Variants in VPS13B observed in about 807,000 individuals in gnomAD.
VPS13B encodes vacuolar protein sorting 13 homolog B, also known as intermembrane lipid transfer protein VPS13B.
A neutral mutation model predicts 426.4 loss-of-function variants in VPS13B; 285 were observed. That is an observed-to-expected ratio of 0.67 (90% CI 0.61 to 0.74). The LOEUF (loss-of-function observed/expected upper bound fraction) is 0.74. Among genes scored for constraint, VPS13B ranks in the 30% least tolerant of loss-of-function variants. The pLI, the probability that VPS13B is intolerant of heterozygous loss-of-function variation, is 0.00. For synonymous variants in VPS13B, 1,676 were observed against 1,676.4 expected (o/e 1.00, Z 0.01); for missense variants, 4,537 against 4,782.6 (o/e 0.95, Z 1.51).
At chr8:99,528,447 A>G (rs542625152) in intron 30 of VPS13B, among the ~76,000 whole-genome samples, 59 of 152,264 alleles carry the variant, frequency 3.9e-4, no homozygotes, top group Non-Finnish European at 5.9e-4. Flanking sequence ...TGACTAGAAC[A>G]TATGGTACTG....
chr8:99,420,053 A>G (rs1328724545), intron 21 of VPS13B, among the ~76,000 whole-genome samples: 1 of 152,198 alleles, frequency 6.6e-6, no homozygotes, highest in Non-Finnish European at 1.5e-5. Context: ...TTATTGATTT[A>G]AGTACTAAAC....
chr8:99,707,563 G>T (rs1204147760), intron 36 of VPS13B, among the ~76,000 whole-genome samples: 1 of 152,132 alleles, frequency 6.6e-6, no homozygotes, highest in East Asian at 1.9e-4. Flanking sequence ...TTTAGTATTA[G>T]ATAACTAACT....
At chr8:99,875,384 C>CA (rs763502797) in intron 61 of VPS13B, 34 bp from the exon 62 acceptor site, 1 of 1,613,976 alleles carries the variant, frequency 6.2e-7, no homozygotes, top group Non-Finnish European at 8.5e-7. Flanking sequence ...TCGTAAGGGT[C>CA]TGGCAACTAA....
rs117711734 is a variant in VPS13B at position 99,112,934 on chromosome 8, C to T, written c.762+1655C>T. On this transcript the variant is annotated intron_variant, in intron 6 of 61. Transcript: ENST00000357162. ...ATAAATAAACTTGTATAATAGTTGC[C>T]AAATATGTGATATCAATGTGTTATA... Among the ~76,000 whole-genome samples, 374 of 152,162 alleles carry T rather than the reference C, an allele frequency of 2.5e-3. 1 individual carries two copies. Among genetic ancestry groups the T allele is most frequent in the Non-Finnish European group, 3.8e-3 (256 of 68,004 alleles).
At chr8:99,536,726 T>C (rs774124620) in intron 30 of VPS13B, 1 of 534,202 alleles carries the variant, frequency 1.9e-6, no homozygotes, top group Non-Finnish European at 3.8e-6. Context: ...GGACAGCATG[T>C]CTTTGGCATT....
At chr8:99,499,899 C>T (rs1821135357) in intron 25 of VPS13B, among the ~76,000 whole-genome samples, 1 of 152,148 alleles carries the variant, frequency 6.6e-6, no homozygotes, top group Non-Finnish European at 1.5e-5. Context: ...CTATGAAAAT[C>T]TTCCCCATTG....
In VPS13B at chr8:99,481,680, C is replaced by T. The variant is rs1406148479; in HGVS notation, c.3748C>T (p.Pro1250Ser). 1.2e-6 allele frequency: 2 copies of T among 1,614,034 alleles called. No individual in the cohort carries two copies. Among genetic ancestry groups the T allele is most frequent in the South Asian group, 2.2e-5 (2 of 91,086 alleles). ...GAAGAGAGGCAATCTCAACCTATCT[C>T]CAACCTCTCCAGAGACCATGGCAGG... The part of the protein sequence containing the change: ...IQKRGNLNLS[P>S]TSPETMAGPV... The change falls in exon 25 of 62, where the codon CCA becomes TCA. Residue 1250 changes from proline (P) to serine (S), a missense_variant. Pro to Ser is a moderately conservative substitution (Grantham distance 74, BLOSUM62 -1). This residue lies in a region of VPS13B where 4,311 missense variants were observed against 4,474.3 expected (regional missense o/e 0.96). Transcript: ENST00000357162.
At chr8:99,154,299 C>T (rs1811235943) in intron 14 of VPS13B, among the ~76,000 whole-genome samples, 1 of 151,722 alleles carries the variant, frequency 6.6e-6, no homozygotes, top group Non-Finnish European at 1.5e-5. Context: ...CTTTTCTTCT[C>T]TTGTGGAATT....
At chr8:99,015,106 C>G (rs909053364) in intron 2 of VPS13B, among the ~76,000 whole-genome samples, 1 of 151,988 alleles carries the variant, frequency 6.6e-6, no homozygotes, top group African/African-American at 2.4e-5. Flanking sequence ...AAATAATACT[C>G]CTGGCTGCTT....
chr8:99,393,842 G>A (rs889633630), intron 21 of VPS13B, among the ~76,000 whole-genome samples: 1 of 151,982 alleles, frequency 6.6e-6, no homozygotes, highest in Non-Finnish European at 1.5e-5. Context: ...CTAGAATTAT[G>A]TTTTAACACT....
At chr8:99,305,283 A>G (rs116471432) in intron 19 of VPS13B, among the ~76,000 whole-genome samples, 1,633 of 152,248 alleles carry the variant, frequency 0.011, 17 homozygotes, top group South Asian at 0.028. Flanking sequence ...TGTTCAGGAA[A>G]AAACAACCAA....
intron 19 of VPS13B, among the ~76,000 whole-genome samples, chr8:99,293,611 C>T (rs963031530): frequency 1.5e-5 from 2 of 137,780 alleles, no homozygotes; most frequent in Non-Finnish European, 3.1e-5. Context: ...AGGCAACCTA[C>T]AACATGGGAG....
chr8:99,747,253 G>C lies in VPS13B; in HGVS notation c.7051-19521G>C, dbSNP rs867208258. Among the ~76,000 whole-genome samples the C allele has an allele frequency of 2.6e-5, 4 of 151,450 alleles. No individual in the cohort carries two copies. In the South Asian group the frequency reaches 8.3e-4, roughly 31 times the overall value. ...GGGATGGGATCCAAAGAGAAAAGCA[G>C]GCCAGAAGTTAGAAATAGATATGTT... On this transcript the variant is annotated intron_variant, in intron 39 of 61. Transcript: ENST00000357162.
At chr8:99,096,839 G>A (rs560442162) in intron 4 of VPS13B, among the ~76,000 whole-genome samples, 232 of 151,832 alleles carry the variant, frequency 1.5e-3, no homozygotes, top group African/African-American at 5.2e-3. Context: ...TAAGCTATAT[G>A]TGCATATGTA....
At position 99,766,962 on chromosome 8, in the gene VPS13B, T is replaced by G. The variant is rs751702954; in HGVS notation, c.7239T>G (p.Asp2413Glu). The G allele has an allele frequency of 4.3e-6, 7 of 1,613,810 alleles. 1 individual carries two copies. In the South Asian group the frequency reaches 7.7e-5, roughly 18 times the overall value. ...TGAACAGCAGTCAAAATGGAGCTGATGACCAAAGGTAATTCATTGAAAGAT... is the reference window on the plus strand; with the variant it reads ...TGAACAGCAGTCAAAATGGAGCTGAGGACCAAAGGTAATTCATTGAAAGAT... ...IVLNSSQNGA[D>E]DQSSASESGS... is the part of the protein sequence containing the mutation. Residue 2413 changes from aspartate (D) to glutamate (E), a missense_variant, in exon 40 of 62, where the codon GAT becomes GAG. Physicochemically the swap from Asp to Glu is conservative, Grantham distance 45. This residue lies in a region of VPS13B where 4,311 missense variants were observed against 4,474.3 expected (regional missense o/e 0.96). Transcript: ENST00000357162.
At chr8:99,778,384 T>G (rs1811846900) in intron 41 of VPS13B, among the ~76,000 whole-genome samples, 1 of 152,206 alleles carries the variant, frequency 6.6e-6, no homozygotes, top group Non-Finnish European at 1.5e-5. Flanking sequence ...TAAAATTCTC[T>G]TTAGATAGAT....
At chr8:99,024,819 T>C (rs1340170888) in intron 2 of VPS13B, among the ~76,000 whole-genome samples, 2 of 152,228 alleles carry the variant, frequency 1.3e-5, no homozygotes, top group African/African-American at 4.8e-5. Context: ...TCTTTGCTTG[T>C]TATGTATCTG....
At chr8:99,380,659 AT>A (rs1388934757) in intron 19 of VPS13B, among the ~76,000 whole-genome samples, 1 of 151,882 alleles carries the variant, frequency 6.6e-6, no homozygotes, top group East Asian at 1.9e-4. Context: ...AAAAAGATAA[AT>A]TTCTTTTTCT....
Position 99,661,377 on chromosome 8 carries a change from GC to G in VPS13B, c.5935del (p.Asp1980IlefsTer14). The G allele has an allele frequency of 6.2e-7, 1 of 1,613,676 alleles. No individual in the cohort carries two copies. Among genetic ancestry groups the G allele is most frequent in the South Asian group, 1.1e-5 (1 of 91,078 alleles). ...CIDPGKTLPE[A>X]LDYCTVWLQT... ...AGATCCTGGGAAGACTCTGCCTGAAGCCCTTGATTATTGCACTGTTTGGCTA... is the reference window on the plus strand; with the variant it reads ...AGATCCTGGGAAGACTCTGCCTGAAGCCTTGATTATTGCACTGTTTGGCTA... On this transcript the variant is annotated frameshift_variant, in exon 35 of 62. Coordinates refer to ENST00000357162, the MANE Select transcript of VPS13B (RefSeq NM_152564.5). LOFTEE classifies it high-confidence loss of function.
Sources: gnomAD v4.1 joint callset for allele counts (sites outside exome capture counted in the v4.1 genomes callset) on GRCh38, gnomAD v4.1.1 for gene constraint, gnomAD v4.1.1 regional missense constraint, MANE v1.5 for transcripts, NCBI Gene and HGNC (gene_info 2026-07-23, HGNC 2026-07-21) for gene names.